The following RP1 variants were observed in gnomAD, a reference collection of about 807,000 sequenced individuals.
RP1 encodes the protein oxygen-regulated protein 1.
Under a neutral mutation model 14.8 loss-of-function variants are expected in RP1, and 16 were observed. That is an observed-to-expected ratio of 1.08 (90% CI 0.73 to 1.65). RP1 has a LOEUF of 1.65. Ranked by LOEUF, RP1 falls within the 40% of genes most tolerant of loss-of-function variation. The pLI is 0.00. For synonymous variants in RP1, 876 were observed against 883.6 expected, an observed-to-expected ratio of 0.99 and a Z score of 0.15; for missense variants, 2,631 against 2,535.0, an observed-to-expected ratio of 1.04 and a Z score of -0.81.
chr8:54,613,735 G>A (rs1217436547), upstream of RP1, among the ~76,000 whole-genome samples: 1 of 152,184 alleles, frequency 6.6e-6, no homozygotes, highest in Non-Finnish European at 1.5e-5. Flanking sequence ...ATGAAAGGCA[G>A]GGTGTCTGGG....
intron 25 of RP1, among the ~76,000 whole-genome samples, chr8:54,845,663 A>C (rs1278148730): frequency 2.0e-5 from 3 of 152,328 alleles, no homozygotes; most frequent in African/African-American, 7.2e-5. Flanking sequence ...TAAATTGAGG[A>C]GATTGCTTCC....
At chr8:54,591,238 G>A (rs1391126863) in intron 1 of RP1, among the ~76,000 whole-genome samples, 1 of 152,058 alleles carries the variant, frequency 6.6e-6, no homozygotes, top group Admixed American at 6.6e-5. Context: ...ACTCCGAACC[G>A]CAGTCCAGAG....
intron 4 of RP1, among the ~76,000 whole-genome samples, chr8:54,650,974 T>C (rs1339660523): frequency 6.6e-6 from 1 of 151,996 alleles, no homozygotes; most frequent in African/African-American, 2.4e-5. Context: ...GTTGAATTTT[T>C]TTTTTAATCA....
intron 6 of RP1, among the ~76,000 whole-genome samples, chr8:54,662,059 A>G (rs1806911633): frequency 6.6e-6 from 1 of 152,138 alleles, no homozygotes; most frequent in Non-Finnish European, 1.5e-5. Context: ...TGACTGCTTT[A>G]AAATCTTTGC....
rs191663103 is a variant in RP1, at chr8:54,848,064, G to T, written c.3836-4510G>T. Reference sequence around the variant, plus strand: ...CCACAACATGAAAGTACATGTGATCGCTCTCTCTCCCTCCTCTCCTGTCCC... The same window carrying T: ...CCACAACATGAAAGTACATGTGATCTCTCTCTCTCCCTCCTCTCCTGTCCC... On this transcript the variant is annotated intron_variant, in intron 25 of 28. Transcript: ENST00000637698. Among the ~76,000 whole-genome samples the T allele has an allele frequency of 1.1e-3, 167 of 152,174 alleles. 2 individuals are homozygous for T. Among genetic ancestry groups the T allele is most frequent in the Non-Finnish European group, 7.5e-4 (51 of 68,016 alleles).
At chr8:54,750,943 G>A (rs1809352989) in intron 19 of RP1, among the ~76,000 whole-genome samples, 2 of 152,188 alleles carry the variant, frequency 1.3e-5, no homozygotes, top group East Asian at 1.9e-4. Context: ...AGCTGGCCAC[G>A]CCAGCCAGCG....
chr8:54,586,228 A>G (rs1479481593), intron 1 of RP1, among the ~76,000 whole-genome samples: 2 of 152,198 alleles, frequency 1.3e-5, no homozygotes, highest in Non-Finnish European at 2.9e-5. Context: ...CAGGACCCTC[A>G]GCTGCAGGTC....
chr8:54,639,333 C>A (rs1188541360), intron 3 of RP1, among the ~76,000 whole-genome samples: 1 of 152,146 alleles, frequency 6.6e-6, no homozygotes, highest in Admixed American at 6.5e-5. Flanking sequence ...AGCTAATAGA[C>A]ATTTATTTCT....
intron 16 of RP1, among the ~76,000 whole-genome samples, chr8:54,721,067 TG>T (rs1177960378): frequency 1.3e-5 from 2 of 152,250 alleles, no homozygotes; most frequent in Admixed American, 1.3e-4. Flanking sequence ...ACATGTTTAC[TG>T]TATGTGTATA....
At chr8:54,857,827 C>G (rs1413665799) in intron 27 of RP1, among the ~76,000 whole-genome samples, 3 of 152,154 alleles carry the variant, frequency 2.0e-5, no homozygotes, top group Admixed American at 6.5e-5. Flanking sequence ...GCACAGCTAT[C>G]AACCAAGACC....
intron 27 of RP1, among the ~76,000 whole-genome samples, chr8:54,865,378 CCTT>C (rs1812435393): frequency 6.6e-6 from 1 of 151,490 alleles, no homozygotes; most frequent in African/African-American, 2.4e-5. Flanking sequence ...TCTCTCTCTC[CCTT>C]CTTTCCTTAC....
chr8:54,628,043 G>A lies in RP1; in HGVS notation c.4161G>A (p.Leu1387=), dbSNP rs780607488. 6 of 1,613,824 alleles carry A rather than the reference G, an allele frequency of 3.7e-6. No individual in the cohort carries two copies. Among genetic ancestry groups the A allele is most frequent in the African/African-American group, 1.3e-5 (1 of 74,906 alleles). The change falls in exon 4 of 4, where the codon TTG becomes TTA. Residue 1387 remains leucine, a synonymous_variant. Coordinates refer to ENST00000220676, the MANE Select transcript of RP1 (RefSeq NM_006269.2). The part of the protein sequence containing the change: ...DPEYKNGFNT[L]VSHQNVSNLS... ...AATATAAAAATGGATTTAATACATTGGTGTCACATCAAAATGTCAGTAATT... is the reference window on the plus strand; with the variant it reads ...AATATAAAAATGGATTTAATACATTAGTGTCACATCAAAATGTCAGTAATT...
Position 54,621,426 on chromosome 8 carries a change from C to A in RP1, c.460C>A (p.Arg154=), listed in dbSNP as rs376303499. ...VAAPGMPRPP[R]SLVVFRNGDP... ...TGCTCCCGGCATGCCCCGCCCCCCA[C>A]GGAGCCTAGTGGTCTTCAGGAATGG... Residue 154 remains arginine (R), a synonymous_variant, in exon 2 of 4, where the codon CGG becomes AGG. Transcript: ENST00000220676. 3 of 1,613,548 alleles carry A rather than the reference C, an allele frequency of 1.9e-6. No homozygotes were observed. The highest frequency in any genetic ancestry group is 1.7e-5 in the Admixed American group (1 of 60,006).
intron 24 of RP1, among the ~76,000 whole-genome samples, chr8:54,790,385 G>T (rs1473617293): frequency 6.6e-6 from 1 of 152,298 alleles, no homozygotes; most frequent in African/African-American, 2.4e-5. Context: ...ATACCTGATT[G>T]CTTCCTTAAA....
chr8:54,699,501 A>G, exon 13 of RP1: 4 of 1,402,072 alleles, frequency 2.9e-6, no homozygotes, highest in Middle Eastern at 1.8e-4. Flanking sequence ...AAAGAAATAT[A>G]TGCATTTTCC....
At chr8:54,723,677 T>A (rs1413026093) in intron 16 of RP1, among the ~76,000 whole-genome samples, 2 of 152,336 alleles carry the variant, frequency 1.3e-5, no homozygotes, top group East Asian at 3.9e-4. Flanking sequence ...AAAGTTTTCT[T>A]CATTCTGTTC....
chr8:54,855,544 G>A (rs1412533421), intron 26 of RP1, among the ~76,000 whole-genome samples: 2 of 152,168 alleles, frequency 1.3e-5, no homozygotes, highest in Admixed American at 1.3e-4. Context: ...ATACCATTAA[G>A]AGAGTAAAAA....
intron 24 of RP1, among the ~76,000 whole-genome samples, chr8:54,813,864 T>A (rs1811072942): frequency 6.6e-6 from 1 of 152,218 alleles, no homozygotes; most frequent in Admixed American, 6.5e-5. Flanking sequence ...TGTCCAAATG[T>A]TTTAGCATGT....
At chr8:54,728,998 T>C (rs1808727820) in intron 17 of RP1, among the ~76,000 whole-genome samples, 1 of 152,188 alleles carries the variant, frequency 6.6e-6, no homozygotes, top group Non-Finnish European at 1.5e-5. Context: ...ATATTATTCA[T>C]AAATACTTCA....
Sources: gnomAD v4.1 joint callset for allele counts (sites outside exome capture counted in the v4.1 genomes callset) on GRCh38, gnomAD v4.1.1 for gene constraint, MANE v1.5 for transcripts, NCBI Gene and HGNC (gene_info 2026-07-23, HGNC 2026-07-21) for gene names.